Variants in SLC12A2 observed in about 807,000 individuals in gnomAD.
SLC12A2 encodes Na-K-2Cl cotransporter 1.
SLC12A2 carries 67 observed loss-of-function variants against 136.3 expected under a neutral mutation model. The ratio of observed to expected loss-of-function variants is 0.49; its 90% confidence interval spans 0.40 to 0.60. The LOEUF is 0.60. Ranked by LOEUF, SLC12A2 falls within the 20% of genes least tolerant of loss-of-function variation. The pLI is 0.00. For synonymous variants in SLC12A2, 619 were observed against 562.9 expected, an observed-to-expected ratio of 1.10 and a Z score of -1.41; for missense variants, 1,322 against 1,534.7, an observed-to-expected ratio of 0.86 and a Z score of 2.32.
At position 128,083,917 on chromosome 5, in the gene SLC12A2, C is replaced by T. The variant is rs1157828546; in HGVS notation, c.-38C>T. 8.2e-7 allele frequency: 1 copy of T among 1,218,212 alleles called. No homozygotes were observed. Among genetic ancestry groups the T allele is most frequent in the East Asian group, 3.3e-5 (1 of 30,332 alleles). The allele number at this position is 1,218,212 out of a possible 1,614,324, so 75.5% of individuals were successfully genotyped here. On this transcript the variant is annotated 5_prime_UTR_variant, in exon 1 of 27. Coordinates refer to ENST00000262461, the MANE Select transcript of SLC12A2 (RefSeq NM_001046.3). The stretch of plus-strand genomic sequence containing the variant: ...GTGGAGGGCGTGCTGCCGGAGACGT[C>T]CGCCGGGCTCTGCAGTTCCGCCGGG...
intron 10 of SLC12A2, among the ~76,000 whole-genome samples, chr5:128,146,150 CAAAT>C (rs1167972604): frequency 6.6e-6 from 1 of 151,842 alleles, no homozygotes; most frequent in African/African-American, 2.4e-5. Context: ...TTTTTCTCCT[CAAAT>C]AAGTTATAGA....
intron 1 of SLC12A2, among the ~76,000 whole-genome samples, chr5:128,093,807 T>C (rs1210171373): frequency 6.6e-6 from 1 of 152,146 alleles, no homozygotes; most frequent in Non-Finnish European, 1.5e-5. Context: ...GTAACTGGGC[T>C]TCTCATATTC....
At chr5:128,126,966 A>AATTTTTTT (rs1554105176) in intron 4 of SLC12A2, among the ~76,000 whole-genome samples, 2 of 21,160 alleles carry the variant, frequency 9.5e-5, no homozygotes, top group African/African-American at 5.0e-4. Context: ...ATATATATAT[A>AATTTTTTT]TTTTTTTTTT....
At position 128,138,807 on chromosome 5, in the gene SLC12A2, ATCT is replaced by A; in HGVS notation, c.1537-12_1537-10del. On this transcript the variant is annotated splice_polypyrimidine_tract_variant and intron_variant, in intron 8 of 26. Transcript: ENST00000262461. ...TATTTTTACAGATAGACTTTAAAAA[ATCT>A]TCTTGTCTTCTAGGATCCTCAGTCA... 1 of 1,606,868 alleles carries A rather than the reference ATCT, an allele frequency of 6.2e-7. No homozygotes were observed. The highest frequency in any genetic ancestry group is 8.5e-7 in the Non-Finnish European group (1 of 1,176,202).
intron 4 of SLC12A2, among the ~76,000 whole-genome samples, chr5:128,121,558 G>T (rs1761580256): frequency 6.6e-6 from 1 of 152,024 alleles, no homozygotes; most frequent in Admixed American, 6.6e-5. Flanking sequence ...TCCTGATCTC[G>T]TGATCTGCCC....
intron 1 of SLC12A2, among the ~76,000 whole-genome samples, chr5:128,097,309 C>G (rs1451074086): frequency 4.6e-5 from 7 of 152,072 alleles, no homozygotes; most frequent in African/African-American, 1.7e-4. Flanking sequence ...TTATGTCCTA[C>G]TTTCTCTATC....
chr5:128,158,348 C>T (rs1762928943), intron 16 of SLC12A2, among the ~76,000 whole-genome samples, 184 bp downstream of exon 16: 1 of 152,132 alleles, frequency 6.6e-6, no homozygotes, highest in Admixed American at 6.6e-5. Flanking sequence ...CCTCACCCTC[C>T]TCCCACCCAG....
chr5:128,142,563 T>G (rs1450634926), intron 10 of SLC12A2, among the ~76,000 whole-genome samples: 1 of 152,164 alleles, frequency 6.6e-6, no homozygotes, highest in Non-Finnish European at 1.5e-5. Context: ...TGTGTTTTTA[T>G]ATATGTAATA....
intron 16 of SLC12A2, among the ~76,000 whole-genome samples, chr5:128,160,793 C>T (rs1763011301): frequency 6.6e-6 from 1 of 151,802 alleles, no homozygotes; most frequent in South Asian, 2.1e-4. Context: ...CATGTCTCAT[C>T]CCCAGCTAAT....
intron 4 of SLC12A2, among the ~76,000 whole-genome samples, chr5:128,125,729 A>G (rs1761765816): frequency 6.6e-6 from 1 of 152,018 alleles, no homozygotes; most frequent in Non-Finnish European, 1.5e-5. Flanking sequence ...TGCCTATCCC[A>G]AGGCCATGAA....
intron 10 of SLC12A2, among the ~76,000 whole-genome samples, chr5:128,146,719 CAT>C (rs1231058103): frequency 2.0e-5 from 3 of 151,590 alleles, no homozygotes; most frequent in Non-Finnish European, 4.4e-5. Context: ...GACTTTATAT[CAT>C]ATCTTTTCGC....
intron 7 of SLC12A2, among the ~76,000 whole-genome samples, chr5:128,138,109 T>G (rs1459362798): frequency 6.6e-6 from 1 of 152,080 alleles, no homozygotes; most frequent in Non-Finnish European, 1.5e-5. Flanking sequence ...GGCTAATTTT[T>G]TAATTATTTC....
Position 128,171,717 on chromosome 5 carries a change from G to GTCTGGA in SLC12A2, c.2776_2781dup (p.Leu926_Asp927dup). 1.3e-6 allele frequency: 2 copies of GTCTGGA among 1,589,990 alleles called. No homozygotes were observed. The highest frequency in any genetic ancestry group is 1.4e-5 in the African/African-American group (1 of 73,032). On this transcript the variant is annotated inframe_insertion, in exon 19 of 27. Transcript: ENST00000262461. Reference sequence around the variant, plus strand: ...GTAGTGGTTATTCGCCTAAAAGAAGGTCTGGATATATCTCATCTTCAAGGA... The same window carrying GTCTGGA: ...GTAGTGGTTATTCGCCTAAAAGAAGGTCTGGATCTGGATATATCTCATCTTCAAGGA...
chr5:128,145,211 A>C (rs1581109073), intron 10 of SLC12A2, among the ~76,000 whole-genome samples: 2 of 152,106 alleles, frequency 1.3e-5, no homozygotes, highest in East Asian at 3.9e-4. Flanking sequence ...TGTTTCCTCA[A>C]CATGGAAGAG....
At position 128,147,705 on chromosome 5, in the gene SLC12A2, A is replaced by G; in HGVS notation, c.1857A>G (p.Leu619=). The G allele has an allele frequency of 6.2e-7, 1 of 1,608,286 alleles. No homozygotes were observed. Among genetic ancestry groups the G allele is most frequent in the Non-Finnish European group, 8.5e-7 (1 of 1,175,602 alleles). ...SATLSSALAS[L]VSAPKIFQAL... ...CTCTTTCTTCAGCATTAGCATCCCTAGTGAGTGCTCCCAAAATATTTCAGG... is the reference window on the plus strand; with the variant it reads ...CTCTTTCTTCAGCATTAGCATCCCTGGTGAGTGCTCCCAAAATATTTCAGG... Residue 619 remains leucine (L), a synonymous_variant, in exon 11 of 27, where the codon CTA becomes CTG. Transcript: ENST00000262461.
intron 1 of SLC12A2, among the ~76,000 whole-genome samples, chr5:128,098,147 A>G (rs1409617784): frequency 6.6e-6 from 1 of 152,016 alleles, no homozygotes; most frequent in Non-Finnish European, 1.5e-5. Context: ...CTATTTGTGT[A>G]TCCTTTGTCA....
chr5:128,175,071 C>G (rs1436160916), intron 20 of SLC12A2, among the ~76,000 whole-genome samples: 1 of 152,020 alleles, frequency 6.6e-6, no homozygotes, highest in Non-Finnish European at 1.5e-5. Flanking sequence ...GGATGACTTC[C>G]AAATCTTACT....
chr5:128,126,967 T>TATATATATATATATATATA (rs1491322749), intron 4 of SLC12A2, among the ~76,000 whole-genome samples: 10 of 29,652 alleles, frequency 3.4e-4, no homozygotes, highest in African/African-American at 1.2e-3. Context: ...TATATATATA[T>TATATATATATATATATATA]TTTTTTTTTT....
At chr5:128,148,990 C>A in intron 12 of SLC12A2, 113 bp downstream of exon 12, 1 of 953,002 alleles carries the variant, frequency 1.0e-6, no homozygotes, top group Non-Finnish European at 1.5e-6. Context: ...TCTTTGTAAT[C>A]AAAGAAAGTT....
Sources: gnomAD v4.1 joint callset for allele counts (sites outside exome capture counted in the v4.1 genomes callset) on GRCh38, gnomAD v4.1.1 for gene constraint, MANE v1.5 for transcripts, NCBI Gene and HGNC (gene_info 2026-07-23, HGNC 2026-07-21) for gene names.